The following FANCA variants were observed in gnomAD, a reference collection of about 807,000 sequenced individuals.
FANCA encodes FA complementation group A.
Under a neutral mutation model 194.3 loss-of-function variants are expected in FANCA, and 236 were observed. That is an observed-to-expected ratio of 1.21 (90% CI 1.09 to 1.35). The LOEUF (loss-of-function observed/expected upper bound fraction) is 1.35. FANCA is among the 40% of genes most tolerant of loss of function. The pLI, the probability that FANCA is intolerant of heterozygous loss-of-function variation, is 0.00. For missense variants in FANCA, 2,628 were observed against 1,813.9 expected (o/e 1.45, Z -8.15); for synonymous variants, 1,014 against 715.8 (o/e 1.42, Z -6.65).
At chr16:89,778,447 C>T (rs540270790) in intron 20 of FANCA, 3 of 289,296 alleles carry the variant, frequency 1.0e-5, no homozygotes, top group Admixed American at 6.0e-5. Flanking sequence ...GCCTGGGCAA[C>T]AGAGCGAGAC....
At chr16:89,782,809 G>A (rs368332402) in intron 17 of FANCA, 50 bp downstream of exon 17, 5 of 1,509,316 alleles carry the variant, frequency 3.3e-6, no homozygotes, top group Non-Finnish European at 4.6e-6. Flanking sequence ...CTGGACCTTT[G>A]CATGGTGGGC....
In FANCA at chr16:89,738,195, G is replaced by A. The variant is rs377737268; in HGVS notation, c.*406C>T. On this transcript the variant is annotated 3_prime_UTR_variant, in exon 43 of 43. Coordinates refer to ENST00000389301, the MANE Select transcript of FANCA (RefSeq NM_000135.4). ...AGGCGGAACCACCACCTGGGCCACC[G>A]AGCCCCTCTGTGACCACAGAGGGCC... 108 of 1,611,246 alleles carry A rather than the reference G, an allele frequency of 6.7e-5. No individual in the cohort carries two copies. Among genetic ancestry groups the A allele is most frequent in the Middle Eastern group, 1.6e-4 (1 of 6,082 alleles).
rs747184077 is a variant in FANCA at position 89,782,927 on chromosome 16, A to T, written c.1567-9T>A. On this transcript the variant is annotated splice_polypyrimidine_tract_variant and intron_variant, in intron 16 of 42. Coordinates refer to ENST00000389301, the MANE Select transcript of FANCA (RefSeq NM_000135.4). ...ATGTTTTCTATAGAAACCTTCAGGGAAGACACAGAATGAGAACAAGAAAAC... is the reference window on the plus strand; with the variant it reads ...ATGTTTTCTATAGAAACCTTCAGGGTAGACACAGAATGAGAACAAGAAAAC... 1.2e-6 allele frequency: 2 copies of T among 1,613,920 alleles called. No individual in the cohort carries two copies. The highest frequency in any genetic ancestry group is 1.3e-5 in the African/African-American group (1 of 75,054).
rs2039266707 is a variant in FANCA, at chr16:89,769,995, C to A, written c.2346G>T (p.Leu782=). The A allele has an allele frequency of 6.2e-7, 1 of 1,613,874 alleles. No individual in the cohort carries two copies. Among genetic ancestry groups the A allele is most frequent in the Non-Finnish European group, 8.5e-7 (1 of 1,180,008 alleles). ...QGPSLSAPHV[L]GLAALAVHLG... The stretch of plus-strand genomic sequence containing the variant: ...GGTGCACGGCCAGGGCAGCCAACCC[C>A]AGCACATGTGGGGCACTCAGGCTCG... The change falls in exon 26 of 43, where the codon CTG becomes CTT. Residue 782 remains leucine (L), a synonymous_variant. Transcript: ENST00000389301.
intron 20 of FANCA, 74 bp downstream of exon 20, chr16:89,778,727 A>G: frequency 3.5e-6 from 5 of 1,425,748 alleles, no homozygotes; most frequent in Non-Finnish European, 5.0e-6. Flanking sequence ...ATTTCTCTAC[A>G]GAAGATCCAC....
rs771005210 is a variant in FANCA at position 89,815,996 on chromosome 16, G to C, written c.80-10C>G. The C allele has an allele frequency of 2.5e-6, 4 of 1,605,728 alleles. No individual in the cohort carries two copies. Among genetic ancestry groups the C allele is most frequent in the Middle Eastern group, 1.7e-4 (1 of 6,044 alleles). Reference sequence around the variant, plus strand: ...CTCTTGACCCTTCCCGCTACGGAGAGAAGTCGGTTCGAAACCATCACAGCA... The same window carrying C: ...CTCTTGACCCTTCCCGCTACGGAGACAAGTCGGTTCGAAACCATCACAGCA... On this transcript the variant is annotated splice_polypyrimidine_tract_variant and intron_variant, in intron 1 of 42. Coordinates refer to ENST00000389301, the MANE Select transcript of FANCA (RefSeq NM_000135.4).
intron 17 of FANCA, 114 bp from the exon 18 acceptor site, chr16:89,780,071 A>G: frequency 1.1e-6 from 1 of 950,280 alleles, no homozygotes; most frequent in South Asian, 1.3e-5. Context: ...TGTACACATT[A>G]AAGGTAAAGG....
At chr16:89,799,574 T>C (rs1459654887) in intron 9 of FANCA, 31 bp downstream of exon 9, 2 of 1,605,204 alleles carry the variant, frequency 1.2e-6, no homozygotes, top group African/African-American at 2.7e-5. Context: ...CTAAGTCATT[T>C]ACAGTCTGGG....
chr16:89,811,011 C>T lies in FANCA; in HGVS notation c.344G>A (p.Gly115Glu), dbSNP rs748263867. 100 of 1,613,930 alleles carry T rather than the reference C, an allele frequency of 6.2e-5. No individual in the cohort carries two copies. The highest frequency in any genetic ancestry group is 1.6e-4 in the Middle Eastern group (1 of 6,084). The change falls in exon 4 of 43, where the codon GGG becomes GAG. Residue 115 changes from glycine to glutamate, a missense_variant. By Grantham distance (98) the Gly-to-Glu change is moderately conservative. Coordinates refer to ENST00000389301, the MANE Select transcript of FANCA (RefSeq NM_000135.4). ...LGVPVGILSA[G>E]MVASSVGQIC... ...CTGTCCCACGCTAGAGGCAACCATC[C>T]CGGCTGAGAGAATACCCACGGGAAC...
chr16:89,805,651 G>C (rs933520799), intron 6 of FANCA, among the ~76,000 whole-genome samples: 1 of 152,054 alleles, frequency 6.6e-6, no homozygotes, highest in Non-Finnish European at 1.5e-5. Context: ...GCCCAGGCTG[G>C]ACTCAAACTC....
rs572972820 is a variant in FANCA at position 89,764,273 on chromosome 16, A to C, written c.2778+617T>G. ...AAAAAAAGAAGTTCGTGTTGGGAGA[A>C]ACTGAGAAAGTATAGCAGGGTTTCT... On this transcript the variant is annotated intron_variant, in intron 28 of 42. Transcript: ENST00000389301. 2.0e-5 allele frequency among the ~76,000 whole-genome samples: 3 copies of C among 152,296 alleles called. No homozygotes were observed. In the East Asian group the frequency reaches 5.8e-4, roughly 29 times the overall value.
chr16:89,811,013 G>A lies in FANCA; in HGVS notation c.342C>T (p.Ala114=), dbSNP rs777989691. 128 of 1,613,900 alleles carry A rather than the reference G, an allele frequency of 7.9e-5. 1 individual carries two copies. The highest frequency in any genetic ancestry group is 6.1e-4 in the South Asian group (56 of 91,090). Residue 114 remains alanine (A), a synonymous_variant, in exon 4 of 43, where the codon GCC becomes GCT. Transcript: ENST00000389301. The stretch of plus-strand genomic sequence containing the variant: ...GTCCCACGCTAGAGGCAACCATCCC[G>A]GCTGAGAGAATACCCACGGGAACCC... ...RLGVPVGILS[A]GMVASSVGQI... is the part of the protein sequence containing the mutation.
chr16:89,775,547 G>C (rs2039471023), intron 21 of FANCA, among the ~76,000 whole-genome samples, 195 bp downstream of exon 21: 1 of 152,188 alleles, frequency 6.6e-6, no homozygotes, highest in South Asian at 2.1e-4. Context: ...GATTCTTCAG[G>C]ACCCCCAGGT....
rs113744658 is a variant in FANCA at position 89,791,253 on chromosome 16, G to A, written c.1359+150C>T. On this transcript the variant is annotated intron_variant, in intron 14 of 42. Coordinates refer to ENST00000389301, the MANE Select transcript of FANCA (RefSeq NM_000135.4). ...GGAGAACCCAGGCTCCTCGGCACAC[G>A]CAGAGGAAGATCTGCCAAGGCCACT... is the stretch of plus-strand genomic sequence containing the variant. 69 of 1,033,026 alleles carry A rather than the reference G, an allele frequency of 6.7e-5. 2 individuals carry two copies. Among genetic ancestry groups the A allele is most frequent in the African/African-American group, 3.6e-4 (23 of 63,152 alleles). 64.0% of individuals were successfully genotyped at this position (1,033,026 alleles called of 1,614,324 possible). A position where few individuals can be genotyped will look rare whatever the true frequency, so the allele number is the denominator to read the frequency against.
intron 31 of FANCA, among the ~76,000 whole-genome samples, chr16:89,750,231 C>T (rs1417499360): frequency 1.3e-5 from 2 of 152,134 alleles, no homozygotes; most frequent in Admixed American, 6.5e-5. Flanking sequence ...CCTGTAATCC[C>T]AGCACTTTGG....
intron 14 of FANCA, 58 bp from the exon 15 acceptor site, chr16:89,785,022 G>A (rs962427832): frequency 2.1e-5 from 26 of 1,225,024 alleles, no homozygotes; most frequent in Non-Finnish European, 2.7e-5. Context: ...CACCACCTAG[G>A]CAGTGTCCTG....
At chr16:89,796,108 T>C (rs1231777367) in intron 10 of FANCA, 90 bp from the exon 11 acceptor site, 2 of 998,192 alleles carry the variant, frequency 2.0e-6, no homozygotes, top group Non-Finnish European at 3.2e-6. Context: ...CTCAGGCTCA[T>C]CCCTTCTTTA....
chr16:89,739,542 C>G lies in FANCA; in HGVS notation c.3946G>C (p.Gly1316Arg), dbSNP rs1178460453. 2 of 1,551,264 alleles carry G rather than the reference C, an allele frequency of 1.3e-6. No homozygotes were observed. Among genetic ancestry groups the G allele is most frequent in the Admixed American group, 3.9e-5 (2 of 51,006 alleles). ...GGGGCCACACGGAGGAGGAGCCGCC[C>G]CAGCCTGAGGTCTGCAACACCAAGA... ...FQLTESDLRL[G>R]RLLLRVAPDQ... Residue 1316 changes from glycine (G) to arginine (R), a missense_variant, in exon 40 of 43, where the codon GGG (glycine) becomes CGG (arginine). Gly to Arg is a moderately radical substitution (Grantham distance 125, BLOSUM62 -2). Coordinates refer to ENST00000389301, the MANE Select transcript of FANCA (RefSeq NM_000135.4).
At chr16:89,796,702 A>G (rs4785722) in intron 10 of FANCA, among the ~76,000 whole-genome samples, 62,740 of 151,960 alleles carry the variant, frequency 0.41, 14,323 homozygotes, top group East Asian at 0.74. Flanking sequence ...AGCAAGCGGC[A>G]CTTTATGCCG....
Sources: allele counts gnomAD v4.1 joint callset (sites outside exome capture counted in the v4.1 genomes callset), GRCh38; gene constraint gnomAD v4.1.1; transcripts MANE v1.5; gene names NCBI Gene and HGNC (gene_info 2026-07-23, HGNC 2026-07-21).